The following SLIT3 variants were observed in gnomAD, a reference collection of about 807,000 sequenced individuals.
SLIT3 encodes the protein slit homolog 3 protein.
In SLIT3, 68 loss-of-function variants were observed where a neutral mutation model predicts 184.0. That is an observed-to-expected ratio of 0.37 (90% CI 0.30 to 0.45). The LOEUF (loss-of-function observed/expected upper bound fraction) is 0.45, where lower values mean the gene tolerates loss of function less well. SLIT3 is among the 20% of genes least tolerant of loss of function. The pLI is 1.00. For synonymous variants in SLIT3, 831 were observed against 828.6 expected, an observed-to-expected ratio of 1.00 and a Z score of -0.05; for missense variants, 1,707 against 2,026.0, an observed-to-expected ratio of 0.84 and a Z score of 3.02.
intron 4 of SLIT3, among the ~76,000 whole-genome samples, chr5:168,892,154 AAAGAAAC>A (rs1760487007): frequency 6.6e-6 from 1 of 152,238 alleles, no homozygotes; most frequent in South Asian, 2.1e-4. Context: ...AAAACAGTAA[AAAGAAAC>A]AGTTGAAATT....
intron 1 of SLIT3, among the ~76,000 whole-genome samples, chr5:169,258,782 C>T (rs1322644393): frequency 1.3e-5 from 2 of 152,164 alleles, no homozygotes; most frequent in East Asian, 1.9e-4. Context: ...ATATCCATAC[C>T]CTTCTTTTTA....
intron 4 of SLIT3, among the ~76,000 whole-genome samples, chr5:169,068,447 A>G (rs1473994423): frequency 7.2e-5 from 11 of 152,164 alleles, no homozygotes; most frequent in Non-Finnish European, 1.3e-4. Flanking sequence ...AATGTAGATC[A>G]CTAAGACGAA....
At chr5:168,782,518 C>T (rs1252759880) in intron 12 of SLIT3, among the ~76,000 whole-genome samples, 2 of 152,164 alleles carry the variant, frequency 1.3e-5, no homozygotes, top group Admixed American at 1.3e-4. Flanking sequence ...ACCATCTCCA[C>T]AGATGTCCCA....
At chr5:168,845,850 A>G (rs1255556763) in intron 5 of SLIT3, among the ~76,000 whole-genome samples, 1 of 152,182 alleles carries the variant, frequency 6.6e-6, no homozygotes, top group Non-Finnish European at 1.5e-5. Context: ...GGACAGGTGA[A>G]AAGAGCTATG....
At chr5:168,979,157 C>T (rs1561586658) in intron 4 of SLIT3, among the ~76,000 whole-genome samples, 1 of 152,206 alleles carries the variant, frequency 6.6e-6, no homozygotes, top group Non-Finnish European at 1.5e-5. Context: ...CGCACAGCCC[C>T]AAGGGGCCCA....
intron 4 of SLIT3, among the ~76,000 whole-genome samples, chr5:168,893,364 C>G (rs1241313014): frequency 1.3e-5 from 2 of 152,156 alleles, no homozygotes; most frequent in Non-Finnish European, 2.9e-5. Context: ...CTGGTCCCCA[C>G]CCCCTCTGTC....
At chr5:169,096,984 A>G (rs1759810774) in intron 4 of SLIT3, among the ~76,000 whole-genome samples, 2 of 152,186 alleles carry the variant, frequency 1.3e-5, no homozygotes, top group African/African-American at 4.8e-5. Flanking sequence ...TCCAACATTT[A>G]AGTTCCTGGG....
At position 168,760,891 on chromosome 5, in the gene SLIT3, G is replaced by C. The variant is rs1220463009; in HGVS notation, c.1656C>G (p.Ile552Met). 1.2e-6 allele frequency: 2 copies of C among 1,614,000 alleles called. No individual in the cohort carries two copies. The highest frequency in any genetic ancestry group is 1.7e-6 in the Non-Finnish European group (2 of 1,179,888). ...NEVSVLEATG[I>M]FKKLPNLRKI... is the part of the protein sequence containing the mutation. Reference sequence around the variant, plus strand: ...TCCGCAGGTTGGGCAACTTCTTGAAGATGCCAGTGGCCTCCAGAACAGATA... The same window carrying C: ...TCCGCAGGTTGGGCAACTTCTTGAACATGCCAGTGGCCTCCAGAACAGATA... Residue 552 changes from isoleucine (I) to methionine (M), a missense_variant, in exon 16 of 36, where the codon ATC (isoleucine) becomes ATG (methionine). Ile to Met is a conservative substitution (Grantham distance 10, BLOSUM62 1). Around this residue, in one of 3 missense-constraint regions of SLIT3, gnomAD observed 1,307 missense variants for 1,511.6 expected, o/e 0.86. Transcript: ENST00000519560.
intron 4 of SLIT3, among the ~76,000 whole-genome samples, chr5:169,061,476 G>A (rs557075238): frequency 6.6e-5 from 10 of 152,220 alleles, no homozygotes; most frequent in East Asian, 1.9e-4. Context: ...GCTGCCCCTC[G>A]GCTCCCTACA....
At chr5:168,751,718 C>CCAGTGA (rs1323777726) in intron 18 of SLIT3, among the ~76,000 whole-genome samples, 1 of 147,250 alleles carries the variant, frequency 6.8e-6, no homozygotes, top group African/African-American at 2.6e-5. Context: ...CTGAAAGCAG[C>CCAGTGA]CAGTGACATC....
chr5:169,076,097 C>T (rs1474620588), intron 4 of SLIT3, among the ~76,000 whole-genome samples: 2 of 152,186 alleles, frequency 1.3e-5, no homozygotes, highest in East Asian at 3.9e-4. Context: ...AGGGCAGGAC[C>T]CTCAGGGGGG....
rs77230330 is a variant in SLIT3 at position 169,204,961 on chromosome 5, G to C, written c.342-11411C>G. On this transcript the variant is annotated intron_variant, in intron 3 of 35. Transcript: ENST00000519560. ...AGCAACATTCAAGTCCCCTGGGTGAGAGGGTGCAAACAATAGAAGGCTGAA... is the reference window on the plus strand; with the variant it reads ...AGCAACATTCAAGTCCCCTGGGTGACAGGGTGCAAACAATAGAAGGCTGAA... Among the ~76,000 whole-genome samples the C allele has an allele frequency of 6.6e-3, 1,004 of 152,300 alleles. 10 individuals are homozygous for C. The highest frequency in any genetic ancestry group is 0.022 in the African/African-American group (928 of 41,554).
chr5:169,037,127 C>A (rs904273097), intron 4 of SLIT3, among the ~76,000 whole-genome samples: 1 of 107,100 alleles, frequency 9.3e-6, no homozygotes, highest in African/African-American at 6.7e-5. Flanking sequence ...CATGTAGTCT[C>A]ATTCGTGCCT....
intron 4 of SLIT3, among the ~76,000 whole-genome samples, chr5:169,124,851 T>C (rs1040366473): frequency 6.6e-6 from 1 of 152,134 alleles, no homozygotes; most frequent in African/African-American, 2.4e-5. Context: ...GTTTTTAGCC[T>C]ATTATATCCT....
chr5:168,699,880 A>G (rs1490546858), intron 27 of SLIT3, among the ~76,000 whole-genome samples: 5 of 152,228 alleles, frequency 3.3e-5, no homozygotes, highest in Non-Finnish European at 5.9e-5. Flanking sequence ...TGGAAGTGCC[A>G]GACGGGCAGT....
chr5:169,155,652 A>G (rs1435480534), intron 4 of SLIT3, among the ~76,000 whole-genome samples: 2 of 152,186 alleles, frequency 1.3e-5, no homozygotes, highest in East Asian at 3.8e-4. Context: ...GAGGAAACCC[A>G]AGGCAGAATT....
chr5:169,281,011 T>A (rs1766974861), intron 1 of SLIT3, among the ~76,000 whole-genome samples: 1 of 152,106 alleles, frequency 6.6e-6, no homozygotes, highest in Non-Finnish European at 1.5e-5. Flanking sequence ...TGACGTACTG[T>A]CTCAGTGTTG....
chr5:168,725,900 T>A (rs901700443), intron 20 of SLIT3, among the ~76,000 whole-genome samples: 4 of 152,208 alleles, frequency 2.6e-5, no homozygotes, highest in African/African-American at 7.2e-5. Flanking sequence ...TAAGGCCACA[T>A]TGGAACGTGC....
chr5:168,770,460 C>T (rs555335456), intron 14 of SLIT3, among the ~76,000 whole-genome samples: 12 of 152,282 alleles, frequency 7.9e-5, no homozygotes, highest in African/African-American at 2.9e-4. Flanking sequence ...CAGAGCTTTA[C>T]ATCTATGGTT....
Sources: allele counts gnomAD v4.1 joint callset (sites outside exome capture counted in the v4.1 genomes callset), GRCh38; gene constraint gnomAD v4.1.1; regional missense constraint gnomAD v4.1.1; transcripts MANE v1.5; gene names NCBI Gene and HGNC (gene_info 2026-07-23, HGNC 2026-07-21).